The following MAP3K13 variants were observed in gnomAD, a reference collection of about 807,000 sequenced individuals.
The protein encoded by MAP3K13 is leucine zipper-bearing kinase.
A neutral mutation model predicts 104.0 loss-of-function variants in MAP3K13; 52 were observed. The observed-to-expected ratio is 0.50, with a 90% confidence interval of 0.40 to 0.63. MAP3K13 has a LOEUF of 0.63. Among genes scored for constraint, MAP3K13 ranks in the 20% least tolerant of loss-of-function variants. The pLI is 0.00. For missense variants in MAP3K13, 914 were observed against 1,218.5 expected (o/e 0.75, Z 3.72); for synonymous variants, 394 against 442.2 (o/e 0.89, Z 1.37).
chr3:185,360,866 C>T (rs1723578946), upstream of MAP3K13, among the ~76,000 whole-genome samples: 1 of 131,546 alleles, frequency 7.6e-6, no homozygotes, highest in Non-Finnish European at 1.5e-5. Context: ...CTCACTCTGT[C>T]ACCAGGCTGG....
chr3:185,365,037 A>G lies in MAP3K13; in HGVS notation c.-86+1669A>G, dbSNP rs1577468063. Reference sequence around the variant, plus strand: ...TTAATAATCAAACTCATCTTAAAAAATGTTCATCAGACTCTGTCTTTGATG... The same window carrying G: ...TTAATAATCAAACTCATCTTAAAAAGTGTTCATCAGACTCTGTCTTTGATG... On this transcript the variant is annotated intron_variant, in intron 1 of 13. Transcript: ENST00000265026. Among the ~76,000 whole-genome samples, 4 of 152,222 alleles carry G rather than the reference A, an allele frequency of 2.6e-5. No homozygotes were observed. In the South Asian group the frequency reaches 6.2e-4, roughly 24 times the overall value.
At chr3:185,335,798 T>A (rs1722480451) in intron 2 of MAP3K13, among the ~76,000 whole-genome samples, 1 of 152,174 alleles carries the variant, frequency 6.6e-6, no homozygotes, top group South Asian at 2.1e-4. Flanking sequence ...GATGCAATTT[T>A]TTCCCCAAAT....
chr3:185,368,637 T>A (rs1724004763), intron 1 of MAP3K13, among the ~76,000 whole-genome samples: 1 of 151,906 alleles, frequency 6.6e-6, no homozygotes, highest in Non-Finnish European at 1.5e-5. Flanking sequence ...GTACCGGGCA[T>A]GAGAGAATGA....
chr3:185,439,848 ATAGTATTTACCTC>A (rs1204644210), intron 3 of MAP3K13, among the ~76,000 whole-genome samples: 2 of 152,246 alleles, frequency 1.3e-5, no homozygotes, highest in Non-Finnish European at 2.9e-5. Context: ...AGACACTTGA[ATAGTATTTACCTC>A]TACATGGAAA....
intron 2 of MAP3K13, among the ~76,000 whole-genome samples, chr3:185,338,965 G>T (rs576920235): frequency 6.6e-6 from 1 of 152,162 alleles, no homozygotes; most frequent in East Asian, 1.9e-4. Flanking sequence ...GAGCACAAAA[G>T]GTGGAAACAA....
chr3:185,391,179 T>C (rs1712032104), intron 1 of MAP3K13, among the ~76,000 whole-genome samples: 1 of 152,172 alleles, frequency 6.6e-6, no homozygotes, highest in African/African-American at 2.4e-5. Context: ...CAGAACTCTT[T>C]TCATTTTGTA....
At chr3:185,367,214 C>A (rs1723930310) in intron 1 of MAP3K13, among the ~76,000 whole-genome samples, 1 of 152,120 alleles carries the variant, frequency 6.6e-6, no homozygotes, top group Non-Finnish European at 1.5e-5. Flanking sequence ...TCTTGGCACC[C>A]TACCAGGGAA....
At chr3:185,451,897 A>G (rs1273025728) in intron 7 of MAP3K13, among the ~76,000 whole-genome samples, 1 of 151,926 alleles carries the variant, frequency 6.6e-6, no homozygotes, top group African/African-American at 2.4e-5. Context: ...AAAGAAAGAA[A>G]GAAAAGAAAA....
Position 185,480,526 on chromosome 3 carries a change from T to C in MAP3K13, c.2796T>C (p.Tyr932=), listed in dbSNP as rs377717971. Residue 932 remains tyrosine (Y), a synonymous_variant, in exon 13 of 14, where the codon TAT becomes TAC. Transcript: ENST00000265026. ...LGKLCVEERG[Y]ENPMQFEESD... The stretch of plus-strand genomic sequence containing the variant: ...AGCTGTGTGTGGAGGAACGTGGCTA[T>C]GAGGTGGGGGCTTCTCCCTTCTCCT... 32 of 1,612,302 alleles carry C rather than the reference T, an allele frequency of 2.0e-5. No homozygotes were observed. The highest frequency in any genetic ancestry group is 1.7e-4 in the Middle Eastern group (1 of 5,812).
intron 1 of MAP3K13, among the ~76,000 whole-genome samples, chr3:185,413,647 C>A (rs1414770239): frequency 6.6e-6 from 1 of 151,980 alleles, no homozygotes; most frequent in Non-Finnish European, 1.5e-5. Flanking sequence ...CATGGTGAGA[C>A]CCTACTTCTA....
chr3:185,290,352 G>A (rs1325254898), intron 2 of MAP3K13, among the ~76,000 whole-genome samples: 3 of 152,112 alleles, frequency 2.0e-5, no homozygotes, highest in East Asian at 1.9e-4. Flanking sequence ...ATTTTAGTGC[G>A]TGCTTCATTT....
At position 185,475,263 on chromosome 3, in the gene MAP3K13, T is replaced by C. The variant is rs532058224; in HGVS notation, c.2430+1502T>C. On this transcript the variant is annotated intron_variant, in intron 11 of 13. Transcript: ENST00000265026. The stretch of plus-strand genomic sequence containing the variant: ...TAGAACAGGGCCTGGAACGTAGCAC[T>C]TTTCCAAAAGTATTAGCTCTTCTTG... 2.0e-5 allele frequency among the ~76,000 whole-genome samples: 3 copies of C among 152,302 alleles called. No homozygotes were observed. The South Asian group carries it at 6.2e-4, about 32-fold the overall frequency.
At chr3:185,432,547 T>C (rs1714807836) in intron 2 of MAP3K13, among the ~76,000 whole-genome samples, 1 of 152,090 alleles carries the variant, frequency 6.6e-6, no homozygotes, top group Non-Finnish European at 1.5e-5. Flanking sequence ...AACCTACTGA[T>C]AGCTGCATAA....
At chr3:185,345,178 C>T (rs1053691199) in intron 2 of MAP3K13, among the ~76,000 whole-genome samples, 1 of 152,096 alleles carries the variant, frequency 6.6e-6, no homozygotes, top group Non-Finnish European at 1.5e-5. Context: ...CTACTAATCT[C>T]ATCATCTTTT....
intron 2 of MAP3K13, among the ~76,000 whole-genome samples, chr3:185,335,846 C>A (rs897232143): frequency 1.3e-5 from 2 of 152,100 alleles, no homozygotes; most frequent in Non-Finnish European, 2.9e-5. Flanking sequence ...ATAAGGAGGG[C>A]CAACTGTACT....
intron 2 of MAP3K13, among the ~76,000 whole-genome samples, chr3:185,303,520 A>AT (rs1022624124): frequency 1.2e-4 from 18 of 147,204 alleles, no homozygotes; most frequent in East Asian, 4.0e-4. Flanking sequence ...GTCTTTTCCA[A>AT]TTTTTTTTTT....
At chr3:185,366,927 T>G (rs950822650) in intron 1 of MAP3K13, among the ~76,000 whole-genome samples, 2 of 152,230 alleles carry the variant, frequency 1.3e-5, no homozygotes, top group African/African-American at 4.8e-5. Flanking sequence ...TAAAAATTTT[T>G]AATTTTGATG....
intron 2 of MAP3K13, among the ~76,000 whole-genome samples, chr3:185,354,667 G>C (rs1723279431): frequency 6.6e-6 from 1 of 151,698 alleles, no homozygotes; most frequent in Non-Finnish European, 1.5e-5. Context: ...ATTCAAGGAA[G>C]TCTATTCTTG....
At chr3:185,326,138 C>G (rs1044502125) in intron 2 of MAP3K13, among the ~76,000 whole-genome samples, 1 of 152,120 alleles carries the variant, frequency 6.6e-6, no homozygotes, top group Non-Finnish European at 1.5e-5. Context: ...CCTGGTTTGT[C>G]TATTCTCCAC....
Sources: allele counts gnomAD v4.1 joint callset (sites outside exome capture counted in the v4.1 genomes callset), GRCh38; gene constraint gnomAD v4.1.1; transcripts MANE v1.5; gene names NCBI Gene and HGNC (gene_info 2026-07-23, HGNC 2026-07-21).